Variants in HGF observed in about 807,000 individuals in gnomAD.
The protein encoded by HGF is hepatocyte growth factor, also known as fibroblast-derived tumor cytotoxic factor.
A neutral mutation model predicts 111.6 loss-of-function variants in HGF; 39 were observed. The ratio of observed to expected loss-of-function variants is 0.35; its 90% confidence interval spans 0.27 to 0.46. The LOEUF is 0.46. HGF is among the 20% of genes least tolerant of loss of function. HGF has a pLI of 1.00. For synonymous variants in HGF, 285 were observed against 294.8 expected (o/e 0.97, Z 0.34); for missense variants, 735 against 910.5 (o/e 0.81, Z 2.48).
intron 5 of HGF, chr7:81,751,180 C>G (rs1583989702): frequency 1.1e-6 from 1 of 904,404 alleles, no homozygotes; most frequent in African/African-American, 1.8e-5. Context: ...TGGTTAATAA[C>G]AAACAGGTAA....
At chr7:81,763,664 T>C (rs1424301121) in intron 1 of HGF, among the ~76,000 whole-genome samples, 1 of 152,190 alleles carries the variant, frequency 6.6e-6, no homozygotes, top group African/African-American at 2.4e-5. Context: ...AAAAACTTGT[T>C]CTCTGTATTC....
chr7:81,702,089 A>T lies in HGF; in HGVS notation c.*492T>A, dbSNP rs533030741. ...TTCGTGTACCAGTATTGCAGGATAC[A>T]TGGTGAAGAGAAATGAATGAACTAT... On this transcript the variant is annotated 3_prime_UTR_variant, in exon 18 of 18. Coordinates refer to ENST00000222390, the MANE Select transcript of HGF (RefSeq NM_000601.6). 2 of 198,050 alleles carry T rather than the reference A, an allele frequency of 1.0e-5. No homozygotes were observed. The highest frequency in any genetic ancestry group is 2.1e-5 in the Non-Finnish European group (2 of 95,572). The allele number at this position is 198,050 out of a possible 1,614,324, so 12.3% of individuals were successfully genotyped here. A position where few individuals can be genotyped will look rare whatever the true frequency, so the allele number is the denominator to read the frequency against.
chr7:81,765,506 C>T (rs1455892993), intron 1 of HGF, among the ~76,000 whole-genome samples: 2 of 152,010 alleles, frequency 1.3e-5, no homozygotes, highest in African/African-American at 4.8e-5. Flanking sequence ...GGCTACAAAG[C>T]TATCAGGGGC....
At chr7:81,706,930 G>A (rs1005628743) in intron 14 of HGF, among the ~76,000 whole-genome samples, 10 of 151,370 alleles carry the variant, frequency 6.6e-5, no homozygotes, top group Non-Finnish European at 1.3e-4. Context: ...GACTCTACAG[G>A]AGAAAGAAGT....
chr7:81,726,103 T>C lies in HGF; in HGVS notation c.1041-86A>G, dbSNP rs1790001178. ...CTATTACATTTCTAGAATTCTAGAA[T>C]GTATGCATGTTTATAAATAGAGTTC... On this transcript the variant is annotated intron_variant, in intron 8 of 17. Transcript: ENST00000222390. 4.6e-6 allele frequency: 6 copies of C among 1,293,146 alleles called. No individual in the cohort carries two copies. In the South Asian group the frequency reaches 7.1e-5, roughly 15 times the overall value. 80.1% of individuals were successfully genotyped at this position (1,293,146 alleles called of 1,614,324 possible).
intron 9 of HGF, among the ~76,000 whole-genome samples, chr7:81,723,796 A>G (rs888696969): frequency 3.3e-5 from 5 of 150,866 alleles, no homozygotes; most frequent in African/African-American, 9.7e-5. Context: ...TCTTTCATAT[A>G]TATATATAGA....
chr7:81,704,857 A>G (rs897024899), intron 17 of HGF, among the ~76,000 whole-genome samples: 1 of 151,858 alleles, frequency 6.6e-6, no homozygotes, highest in Admixed American at 6.6e-5. Flanking sequence ...TGCCTCACAA[A>G]TGAAATGTCC....
intron 7 of HGF, among the ~76,000 whole-genome samples, chr7:81,735,406 G>T (rs1010249025): frequency 1.3e-5 from 2 of 151,962 alleles, no homozygotes; most frequent in Non-Finnish European, 2.9e-5. Flanking sequence ...GGGTATTGAC[G>T]GCATTGTTTT....
At chr7:81,737,143 G>A (rs1200052499) in intron 7 of HGF, among the ~76,000 whole-genome samples, 2 of 151,938 alleles carry the variant, frequency 1.3e-5, no homozygotes, top group African/African-American at 2.4e-5. Context: ...TGTGAAGAGT[G>A]AAGGAGAAGG....
At chr7:81,728,459 A>C (rs1220465441) in intron 8 of HGF, among the ~76,000 whole-genome samples, 1 of 152,186 alleles carries the variant, frequency 6.6e-6, no homozygotes, top group Non-Finnish European at 1.5e-5. Flanking sequence ...CAGTGACACT[A>C]TCTCCTTTGT....
At chr7:81,765,318 T>C (rs1044940921) in intron 1 of HGF, among the ~76,000 whole-genome samples, 2 of 152,112 alleles carry the variant, frequency 1.3e-5, no homozygotes, top group African/African-American at 4.8e-5. Context: ...ATCTCCTCAA[T>C]TGTCCTACTG....
intron 9 of HGF, among the ~76,000 whole-genome samples, chr7:81,722,230 A>C (rs781324453): frequency 2.8e-4 from 42 of 151,870 alleles, no homozygotes; most frequent in Admixed American, 1.2e-3. Context: ...ATGCTCCATG[A>C]GGTTTTCTAT....
chr7:81,730,079 T>C (rs1179109826), intron 7 of HGF, among the ~76,000 whole-genome samples: 1 of 152,214 alleles, frequency 6.6e-6, no homozygotes, highest in Non-Finnish European at 1.5e-5. Flanking sequence ...GACTATACAA[T>C]TATTTCTAAA....
At chr7:81,758,489 T>C (rs1344171533) in intron 3 of HGF, among the ~76,000 whole-genome samples, 1 of 151,814 alleles carries the variant, frequency 6.6e-6, no homozygotes, top group Non-Finnish European at 1.5e-5. Flanking sequence ...TTATGAAAAG[T>C]TTTGAAAATG....
intron 5 of HGF, chr7:81,751,471 T>C: frequency 5.3e-6 from 5 of 950,484 alleles, no homozygotes; most frequent in Non-Finnish European, 6.1e-6. Context: ...TGAGAAGAGC[T>C]GAAAACATAG....
At chr7:81,753,932 C>G (rs758708210) in intron 4 of HGF, among the ~76,000 whole-genome samples, 32 of 151,900 alleles carry the variant, frequency 2.1e-4, no homozygotes, top group Non-Finnish European at 4.1e-4. Context: ...CTCCATCATT[C>G]CAGAATATTT....
intron 7 of HGF, chr7:81,736,630 G>A (rs529822643): frequency 3.2e-5 from 14 of 434,006 alleles, no homozygotes; most frequent in African/African-American, 2.7e-4. Context: ...CTGCCAACTA[G>A]GTAAGGAAGA....
intron 11 of HGF, among the ~76,000 whole-genome samples, chr7:81,716,129 T>C (rs948517822): frequency 6.6e-6 from 1 of 152,146 alleles, no homozygotes; most frequent in Non-Finnish European, 1.5e-5. Flanking sequence ...GGAAATGATT[T>C]TGCCCTCCAG....
chr7:81,738,701 G>T (rs1379457745), intron 7 of HGF, among the ~76,000 whole-genome samples: 1 of 152,114 alleles, frequency 6.6e-6, no homozygotes, highest in East Asian at 1.9e-4. Context: ...AACGTTGGCT[G>T]GCAGATGTGA....
Sources: gnomAD v4.1 joint callset for allele counts (sites outside exome capture counted in the v4.1 genomes callset) on GRCh38, gnomAD v4.1.1 for gene constraint, MANE v1.5 for transcripts, NCBI Gene and HGNC (gene_info 2026-07-23, HGNC 2026-07-21) for gene names.